The following PMF1 variants were observed in gnomAD, a reference collection of about 807,000 sequenced individuals.
PMF1 encodes the protein polyamine-modulated factor 1.
In PMF1, 21 loss-of-function variants were observed where a neutral mutation model predicts 26.7. The observed-to-expected ratio is 0.79, with a 90% confidence interval of 0.56 to 1.13. PMF1 has a LOEUF of 1.13. Among genes scored for constraint, PMF1 ranks in the 50% most tolerant of loss-of-function variants. The probability of loss-of-function intolerance (pLI) is 0.00; values close to 1 mark genes in which losing one functional copy is unlikely to be tolerated. For synonymous variants in PMF1, 105 were observed against 101.0 expected (o/e 1.04, Z -0.24); for missense variants, 266 against 254.9 (o/e 1.04, Z -0.30).
chr1:156,232,212 A>T, intron 1 of PMF1, 108 bp from the exon 2 acceptor site: 2 of 921,450 alleles, frequency 2.2e-6, no homozygotes, highest in East Asian at 4.9e-5. Context: ...AGGGCCATGA[A>T]GTGGACAGAG....
At chr1:156,227,100 G>A (rs1200482279) in intron 1 of PMF1, among the ~76,000 whole-genome samples, 1 of 152,208 alleles carries the variant, frequency 6.6e-6, no homozygotes, top group Non-Finnish European at 1.5e-5. Flanking sequence ...ATGGTTGTGG[G>A]CACCCTGGAG....
At chr1:156,239,170 T>C (rs1245926441) in intron 4 of PMF1, among the ~76,000 whole-genome samples, 1 of 152,234 alleles carries the variant, frequency 6.6e-6, no homozygotes, top group Non-Finnish European at 1.5e-5. Flanking sequence ...CCTCACGTTG[T>C]TTGACATGGG....
At position 156,225,561 on chromosome 1, in the gene PMF1, C is replaced by T. The variant is rs545766509; in HGVS notation, c.162-6759C>T. 6 of 1,543,146 alleles carry T rather than the reference C, an allele frequency of 3.9e-6. No individual in the cohort carries two copies. In the African/African-American group the frequency reaches 6.8e-5, roughly 18 times the overall value. ...GCCTGTTTGTTTTGTTCTCAGCTCT[C>T]CACTCCTTCATTGGGACGGAAGTGC... On this transcript the variant is annotated intron_variant, in intron 1 of 4. Transcript: ENST00000368277.
At chr1:156,218,495 A>G (rs544943585) in intron 1 of PMF1, among the ~76,000 whole-genome samples, 109 of 152,248 alleles carry the variant, frequency 7.2e-4, no homozygotes, top group African/African-American at 2.5e-3. Context: ...AAAATGCCAG[A>G]TATAGGCCAG....
chr1:156,231,111 G>GGAGGCT (rs376971839), intron 1 of PMF1, among the ~76,000 whole-genome samples: 27 of 150,924 alleles, frequency 1.8e-4, no homozygotes, highest in Admixed American at 8.0e-4. Context: ...CAGCTACTCA[G>GGAGGCT]GAGGCTGAGG....
At chr1:156,237,697 T>TGCCA (rs1164465238) in intron 4 of PMF1, among the ~76,000 whole-genome samples, 16 of 150,112 alleles carry the variant, frequency 1.1e-4, no homozygotes, top group African/African-American at 3.2e-4. Context: ...TTCACCCACC[T>TGCCA]CAGCCTCACA....
At chr1:156,222,721 T>C (rs1658151894) in intron 1 of PMF1, among the ~76,000 whole-genome samples, 1 of 152,164 alleles carries the variant, frequency 6.6e-6, no homozygotes, top group Non-Finnish European at 1.5e-5. Context: ...TTCACCATGT[T>C]GGCCAGGCTG....
chr1:156,224,503 G>A (rs1302735174), intron 1 of PMF1, among the ~76,000 whole-genome samples: 1 of 152,180 alleles, frequency 6.6e-6, no homozygotes, highest in African/African-American at 2.4e-5. Flanking sequence ...CAGGCCGGGC[G>A]CAGTGGCTCA....
chr1:156,236,958 A>G (rs919221834), intron 4 of PMF1: 2 of 162,966 alleles, frequency 1.2e-5, no homozygotes, highest in African/African-American at 4.8e-5. Context: ...TTTAGGAAGT[A>G]CATGTGATAT....
At chr1:156,223,180 C>A (rs147029032) in intron 1 of PMF1, among the ~76,000 whole-genome samples, 46 of 152,218 alleles carry the variant, frequency 3.0e-4, no homozygotes, top group African/African-American at 9.4e-4. Context: ...CATGCTCATA[C>A]TTTCCCTCCG....
chr1:156,216,565 C>T (rs1314079656), intron 1 of PMF1, among the ~76,000 whole-genome samples: 1 of 151,942 alleles, frequency 6.6e-6, no homozygotes, highest in Non-Finnish European at 1.5e-5. Context: ...TGCTGGGGCC[C>T]GCGGGCCTGC....
chr1:156,232,599 G>A (rs1469234831), intron 2 of PMF1, among the ~76,000 whole-genome samples, 174 bp downstream of exon 2: 3 of 152,182 alleles, frequency 2.0e-5, no homozygotes, highest in Admixed American at 2.0e-4. Flanking sequence ...AATGATGCGG[G>A]TATCTTAGAT....
intron 1 of PMF1, among the ~76,000 whole-genome samples, chr1:156,222,582 A>G (rs994191424): frequency 9.2e-5 from 14 of 152,102 alleles, no homozygotes; most frequent in African/African-American, 2.9e-4. Context: ...GGGTTTCTCC[A>G]TGTTGATCAG....
intron 1 of PMF1, 95 bp downstream of exon 1, chr1:156,213,271 G>A (rs937466058): frequency 1.3e-6 from 2 of 1,539,034 alleles, no homozygotes; most frequent in East Asian, 2.3e-5. Flanking sequence ...GCGGTGACGT[G>A]GGTCCGCGTT....
chr1:156,225,452 C>G, intron 1 of PMF1: 3 of 658,266 alleles, frequency 4.6e-6, no homozygotes, highest in Non-Finnish European at 5.6e-6. Context: ...TCACCCCCCT[C>G]CCACCCTTTC....
intron 1 of PMF1, among the ~76,000 whole-genome samples, chr1:156,213,781 C>T (rs1161535187): frequency 6.6e-6 from 1 of 152,186 alleles, no homozygotes; most frequent in Non-Finnish European, 1.5e-5. Flanking sequence ...CCTAAGGCGC[C>T]TAGGACAGGA....
chr1:156,215,924 G>A (rs1657670009), intron 1 of PMF1, among the ~76,000 whole-genome samples: 2 of 152,064 alleles, frequency 1.3e-5, no homozygotes, highest in Admixed American at 1.3e-4. Flanking sequence ...CCTGACCTCA[G>A]GTGATCCGCC....
Position 156,214,883 on chromosome 1 carries a change from TA to T in PMF1, c.161+1708del, listed in dbSNP as rs112083689. 7.5e-3 allele frequency among the ~76,000 whole-genome samples: 1,090 copies of T among 145,862 alleles called. 11 individuals carry two copies. The highest frequency in any genetic ancestry group is 0.025 in the African/African-American group (996 of 39,904). ...AGATTATTATTATTATTATTATTATTATTTTTTTTTTTTAGGCAGTGTCTAG... is the reference window on the plus strand; with the variant it reads ...AGATTATTATTATTATTATTATTATTTTTTTTTTTTTTAGGCAGTGTCTAG... On this transcript the variant is annotated intron_variant, in intron 1 of 4. Coordinates refer to ENST00000368277, the MANE Select transcript of PMF1 (RefSeq NM_007221.4).
At chr1:156,230,948 G>A (rs560824928) in intron 1 of PMF1, among the ~76,000 whole-genome samples, 1 of 151,976 alleles carries the variant, frequency 6.6e-6, no homozygotes, top group African/African-American at 2.4e-5. Context: ...AGGCACGGTG[G>A]CTCATGCCTG....
Sources: allele counts gnomAD v4.1 joint callset (sites outside exome capture counted in the v4.1 genomes callset), GRCh38; gene constraint gnomAD v4.1.1; transcripts MANE v1.5; gene names NCBI Gene and HGNC (gene_info 2026-07-23, HGNC 2026-07-21).